Variants in LRRC4C observed in about 807,000 individuals in gnomAD.
LRRC4C encodes the protein leucine rich repeat containing 4C, also known as leucine-rich repeat-containing protein 4C.
LRRC4C carries 5 observed loss-of-function variants against 33.6 expected under a neutral mutation model. That is an observed-to-expected ratio of 0.15 (90% CI 0.08 to 0.31). The LOEUF is 0.31. Among genes scored for constraint, LRRC4C ranks in the 10% least tolerant of loss-of-function variants. LRRC4C has a pLI of 1.00. For missense variants in LRRC4C, 560 were observed against 796.7 expected, an observed-to-expected ratio of 0.70 and a Z score of 3.58; for synonymous variants, 329 against 302.0, an observed-to-expected ratio of 1.09 and a Z score of -0.93.
At chr11:41,028,463 T>C (rs180942918) in intron 1 of LRRC4C, among the ~76,000 whole-genome samples, 2 of 151,722 alleles carry the variant, frequency 1.3e-5, no homozygotes, top group Admixed American at 1.3e-4. Context: ...ATTATTGCAA[T>C]TTCATTTTCT....
At chr11:41,147,914 C>A (rs974486558) in intron 1 of LRRC4C, among the ~76,000 whole-genome samples, 14 of 152,162 alleles carry the variant, frequency 9.2e-5, no homozygotes, top group Admixed American at 2.0e-4. Context: ...TATAGTGAGG[C>A]CCTGTCTTTA....
At chr11:41,025,223 G>A (rs1392722843) in intron 1 of LRRC4C, among the ~76,000 whole-genome samples, 1 of 151,624 alleles carries the variant, frequency 6.6e-6, no homozygotes, top group Non-Finnish European at 1.5e-5. Flanking sequence ...AAAACTAGAA[G>A]TGATTAAACT....
intron 2 of LRRC4C, among the ~76,000 whole-genome samples, chr11:40,689,207 C>T (rs1945111178): frequency 6.6e-6 from 1 of 152,018 alleles, no homozygotes; most frequent in Admixed American, 6.6e-5. Context: ...GTTTAAATCT[C>T]ATACTAACCA....
chr11:40,819,740 A>G (rs1951849437), intron 2 of LRRC4C, among the ~76,000 whole-genome samples: 1 of 145,964 alleles, frequency 6.9e-6, no homozygotes, highest in African/African-American at 2.7e-5. Flanking sequence ...CTGAAATTTG[A>G]ATGTGATTCA....
At chr11:40,520,444 T>A (rs2135221107) in intron 3 of LRRC4C, among the ~76,000 whole-genome samples, 1 of 152,316 alleles carries the variant, frequency 6.6e-6, no homozygotes, top group Non-Finnish European at 1.5e-5. Flanking sequence ...GAAGGGTTAT[T>A]AATTAGCCTA....
At chr11:41,093,604 C>T (rs1476343982) in intron 1 of LRRC4C, among the ~76,000 whole-genome samples, 1 of 152,024 alleles carries the variant, frequency 6.6e-6, no homozygotes, top group Non-Finnish European at 1.5e-5. Flanking sequence ...GAACAGCGTG[C>T]CATACAGCTA....
chr11:40,118,223 ATTAC>A (rs1283973310), intron 6 of LRRC4C, among the ~76,000 whole-genome samples: 1 of 148,522 alleles, frequency 6.7e-6, no homozygotes, highest in Non-Finnish European at 1.5e-5. Context: ...AAATATAATT[ATTAC>A]TTATATTAAA....
At chr11:40,950,102 C>A (rs1958624336) in intron 1 of LRRC4C, among the ~76,000 whole-genome samples, 1 of 151,978 alleles carries the variant, frequency 6.6e-6, no homozygotes, top group Admixed American at 6.6e-5. Flanking sequence ...ATAAAAACAT[C>A]TCTGGGTGGA....
chr11:40,561,135 C>T (rs1042965951), intron 3 of LRRC4C, among the ~76,000 whole-genome samples: 1 of 152,088 alleles, frequency 6.6e-6, no homozygotes, highest in Non-Finnish European at 1.5e-5. Flanking sequence ...CTTCTGCGTT[C>T]CCCGGGTTGC....
At chr11:41,042,923 A>G (rs1402359970) in intron 1 of LRRC4C, among the ~76,000 whole-genome samples, 1 of 151,632 alleles carries the variant, frequency 6.6e-6, no homozygotes, top group Non-Finnish European at 1.5e-5. Flanking sequence ...GTAATTGTGA[A>G]CCATGAGGCA....
At chr11:40,348,871 A>C (rs1470619029) in intron 3 of LRRC4C, among the ~76,000 whole-genome samples, 1 of 152,244 alleles carries the variant, frequency 6.6e-6, no homozygotes, top group East Asian at 1.9e-4. Flanking sequence ...AGTGAGGGAA[A>C]TGTCTTTTTA....
chr11:40,405,322 G>A (rs1247839900), intron 3 of LRRC4C, among the ~76,000 whole-genome samples: 1 of 151,890 alleles, frequency 6.6e-6, no homozygotes, highest in Non-Finnish European at 1.5e-5. Flanking sequence ...CCCCAAAATG[G>A]TCATGTGATC....
intron 1 of LRRC4C, among the ~76,000 whole-genome samples, chr11:41,118,040 C>A (rs1387040542): frequency 6.6e-6 from 1 of 152,176 alleles, no homozygotes; most frequent in African/African-American, 2.4e-5. Context: ...AATTACTACC[C>A]CTTCAATGGT....
chr11:40,531,278 T>C (rs1277187133), intron 3 of LRRC4C, among the ~76,000 whole-genome samples: 1 of 152,112 alleles, frequency 6.6e-6, no homozygotes, highest in East Asian at 1.9e-4. Flanking sequence ...TAATGCAGAA[T>C]GATCCTGCCC....
chr11:40,440,142 G>A (rs1205044529), intron 3 of LRRC4C, among the ~76,000 whole-genome samples: 5 of 152,072 alleles, frequency 3.3e-5, no homozygotes, highest in Admixed American at 3.3e-4. Flanking sequence ...GTTACATGAG[G>A]GCAGGGAGCT....
chr11:40,211,022 C>T (rs1354096095), intron 5 of LRRC4C, among the ~76,000 whole-genome samples: 1 of 152,158 alleles, frequency 6.6e-6, no homozygotes, highest in East Asian at 1.9e-4. Context: ...AGTCATCTGC[C>T]TGCCTCGGCC....
At chr11:40,276,539 G>A (rs1278583131) in intron 4 of LRRC4C, among the ~76,000 whole-genome samples, 1 of 152,126 alleles carries the variant, frequency 6.6e-6, no homozygotes, top group African/African-American at 2.4e-5. Context: ...AATCTATAGT[G>A]TATTGCCTCA....
intron 2 of LRRC4C, among the ~76,000 whole-genome samples, chr11:40,920,493 T>C (rs1957126820): frequency 6.6e-6 from 1 of 152,222 alleles, no homozygotes; most frequent in Non-Finnish European, 1.5e-5. Flanking sequence ...TATTGGTTAA[T>C]TGAGGCTCTG....
intron 1 of LRRC4C, among the ~76,000 whole-genome samples, chr11:41,356,183 T>G (rs1484873391): frequency 6.6e-6 from 1 of 152,150 alleles, no homozygotes; most frequent in East Asian, 1.9e-4. Context: ...GTAATTAAGC[T>G]AGACCCACCC....
Sources: gnomAD v4.1 joint callset for allele counts (sites outside exome capture counted in the v4.1 genomes callset) on GRCh38, gnomAD v4.1.1 for gene constraint, MANE v1.5 for transcripts, NCBI Gene and HGNC (gene_info 2026-07-23, HGNC 2026-07-21) for gene names.